ATAD2B: variants seen among roughly 807,000 people sequenced by gnomAD.
ATAD2B encodes ATPase family AAA domain containing 2B, also known as ATPase family AAA domain-containing protein 2B.
ATAD2B carries 40 observed loss-of-function variants against 167.6 expected under a neutral mutation model. That is an observed-to-expected ratio of 0.24 (90% CI 0.19 to 0.31). The LOEUF is 0.31. Ranked by LOEUF, ATAD2B falls within the 10% of genes least tolerant of loss-of-function variation. The probability of loss-of-function intolerance (pLI) is 1.00; values close to 1 mark genes in which losing one functional copy is unlikely to be tolerated. For synonymous variants in ATAD2B, 579 were observed against 596.5 expected, an observed-to-expected ratio of 0.97 and a Z score of 0.43; for missense variants, 1,242 against 1,757.2, an observed-to-expected ratio of 0.71 and a Z score of 5.24.
chr2:23,859,776 C>T (rs1000281573), intron 12 of ATAD2B, among the ~76,000 whole-genome samples: 5 of 151,532 alleles, frequency 3.3e-5, no homozygotes, highest in South Asian at 2.1e-4. Context: ...GGTGAAACGC[C>T]GTCTCTACTA....
chr2:23,691,422 A>T, the ATAD2B span: 1 of 559,450 alleles, frequency 1.8e-6, no homozygotes, highest in Non-Finnish European at 3.2e-6. Context: ...ATGCTTTTTG[A>T]TTTGCATCTT....
At chr2:23,801,772 T>C (rs1683542231) in intron 18 of ATAD2B, among the ~76,000 whole-genome samples, 1 of 152,030 alleles carries the variant, frequency 6.6e-6, no homozygotes, top group Non-Finnish European at 1.5e-5. Flanking sequence ...TTAAAGATAT[T>C]AAAGGCAAAA....
intron 8 of ATAD2B, chr2:23,872,562 G>T: frequency 9.1e-7 from 1 of 1,102,644 alleles, no homozygotes; most frequent in Non-Finnish European, 1.4e-6. Context: ...CAGGAGGGTA[G>T]CTGATCCTCC....
Position 23,750,449 on chromosome 2 carries a change from C to T in ATAD2B, c.*1597G>A, listed in dbSNP as rs952257879. ...CTACAAAGAGCCAAAGACAAGGAGA[C>T]AAGTACCTTAGCTTCAGGATGTAAA... On this transcript the variant is annotated 3_prime_UTR_variant, in exon 28 of 28. Coordinates refer to ENST00000238789, the MANE Select transcript of ATAD2B (RefSeq NM_017552.4). 6.6e-6 allele frequency: 1 copy of T among 152,094 alleles called. No homozygotes were observed. The highest frequency in any genetic ancestry group is 1.5e-5 in the Non-Finnish European group (1 of 67,992). 9.4% of individuals were successfully genotyped at this position (152,094 alleles called of 1,614,324 possible). A position where few individuals can be genotyped will look rare whatever the true frequency, so the allele number is the denominator to read the frequency against.
chr2:23,921,828 T>C (rs763386629), intron 1 of ATAD2B, among the ~76,000 whole-genome samples: 2 of 152,152 alleles, frequency 1.3e-5, no homozygotes, highest in Non-Finnish European at 1.5e-5. Context: ...TCTGATACAG[T>C]ATAAGGAAAA....
intron 2 of ATAD2B, among the ~76,000 whole-genome samples, chr2:23,894,219 T>C (rs1349880334): frequency 1.3e-5 from 2 of 151,888 alleles, no homozygotes; most frequent in Non-Finnish European, 2.9e-5. Flanking sequence ...CGGTGGCTCG[T>C]GCCTGTAATC....
intron 24 of ATAD2B, 36 bp from the exon 25 acceptor site, chr2:23,758,137 T>G (rs1039213561): frequency 5.5e-6 from 8 of 1,463,926 alleles, no homozygotes; most frequent in Non-Finnish European, 7.3e-6. Flanking sequence ...TATGTAGAAC[T>G]TGGAATGCAA....
intron 7 of ATAD2B, among the ~76,000 whole-genome samples, chr2:23,877,154 G>T (rs1164638138): frequency 6.6e-6 from 1 of 151,362 alleles, no homozygotes; most frequent in Non-Finnish European, 1.5e-5. Flanking sequence ...AGGCTGGGCA[G>T]GGTCCCGGGA....
chr2:23,771,384 G>C (rs562034934), intron 22 of ATAD2B, among the ~76,000 whole-genome samples: 2 of 152,308 alleles, frequency 1.3e-5, no homozygotes, highest in East Asian at 3.9e-4. Context: ...TGATCTTAAG[G>C]AGAAAGTACT....
chr2:23,804,375 G>C (rs1271927710), intron 18 of ATAD2B, among the ~76,000 whole-genome samples: 2 of 152,142 alleles, frequency 1.3e-5, no homozygotes, highest in African/African-American at 4.8e-5. Flanking sequence ...TGCACTTCAT[G>C]GCTCGTCCTG....
At chr2:23,795,296 A>T (rs1682429134) in intron 19 of ATAD2B, among the ~76,000 whole-genome samples, 2 of 152,190 alleles carry the variant, frequency 1.3e-5, no homozygotes, top group African/African-American at 4.8e-5. Flanking sequence ...TTTTAAAACA[A>T]TACATTTAAA....
At chr2:23,924,158 T>A (rs1704372799) in intron 1 of ATAD2B, among the ~76,000 whole-genome samples, 2 of 152,100 alleles carry the variant, frequency 1.3e-5, no homozygotes, top group African/African-American at 2.4e-5. Flanking sequence ...CACTCCAGCC[T>A]GGGCTACAGC....
At chr2:23,836,579 CA>C (rs1690015787) in intron 13 of ATAD2B, among the ~76,000 whole-genome samples, 1 of 152,130 alleles carries the variant, frequency 6.6e-6, no homozygotes, top group Non-Finnish European at 1.5e-5. Context: ...GGAGGGTGAG[CA>C]AGGCGAAGAA....
chr2:23,882,810 A>C (rs1275347983), intron 6 of ATAD2B, among the ~76,000 whole-genome samples: 1 of 132,454 alleles, frequency 7.5e-6, no homozygotes, highest in Non-Finnish European at 1.8e-5. Flanking sequence ...ACTCCATCTC[A>C]ACAACAACAA....
intron 8 of ATAD2B, among the ~76,000 whole-genome samples, chr2:23,871,875 GGTTT>G (rs755725422): frequency 6.6e-6 from 1 of 151,890 alleles, no homozygotes; most frequent in Non-Finnish European, 1.5e-5. Flanking sequence ...ATTGTTTTTG[GGTTT>G]GTTTTTCTTT....
At chr2:23,785,535 GT>G (rs1389618034) in intron 21 of ATAD2B, among the ~76,000 whole-genome samples, 1 of 152,036 alleles carries the variant, frequency 6.6e-6, no homozygotes, top group Non-Finnish European at 1.5e-5. Flanking sequence ...AAATAATTTA[GT>G]TGCACGGGAT....
chr2:23,753,270 A>C (rs995716477), intron 27 of ATAD2B, among the ~76,000 whole-genome samples: 1 of 152,226 alleles, frequency 6.6e-6, no homozygotes, highest in African/African-American at 2.4e-5. Flanking sequence ...TACACATGAA[A>C]AATAACTATA....
At chr2:23,752,510 T>TTA (rs1180314626) in intron 27 of ATAD2B, among the ~76,000 whole-genome samples, 1 of 150,276 alleles carries the variant, frequency 6.7e-6, no homozygotes, top group African/African-American at 2.4e-5. Flanking sequence ...TATATATAAT[T>TTA]TATATATATA....
chr2:23,685,308 G>A, the ATAD2B span: 1 of 152,122 alleles, frequency 6.6e-6, no homozygotes, highest in African/African-American at 2.4e-5. Context: ...AAAGAAGTCA[G>A]GGGCCACCTT....
Sources: gnomAD v4.1 joint callset for allele counts (sites outside exome capture counted in the v4.1 genomes callset) on GRCh38, gnomAD v4.1.1 for gene constraint, MANE v1.5 for transcripts, NCBI Gene and HGNC (gene_info 2026-07-23, HGNC 2026-07-21) for gene names.